The following FHOD3 variants were observed in gnomAD, a reference collection of about 807,000 sequenced individuals.
The protein encoded by FHOD3 is FH1/FH2 domain-containing protein 3.
Under a neutral mutation model 173.0 loss-of-function variants are expected in FHOD3, and 90 were observed. That is an observed-to-expected ratio of 0.52 (90% confidence interval 0.44 to 0.62). FHOD3 has a LOEUF of 0.62. Among genes scored for constraint, FHOD3 ranks in the 20% least tolerant of loss-of-function variants. FHOD3 has a pLI of 0.00. For synonymous variants in FHOD3, 828 were observed against 823.0 expected, an observed-to-expected ratio of 1.01 and a Z score of -0.10; for missense variants, 1,945 against 2,034.7, an observed-to-expected ratio of 0.96 and a Z score of 0.85.
At chr18:36,515,791 A>G (rs563374745) in intron 5 of FHOD3, among the ~76,000 whole-genome samples, 1 of 152,252 alleles carries the variant, frequency 6.6e-6, no homozygotes, top group East Asian at 1.9e-4. Flanking sequence ...GTGTCCCTTT[A>G]CTGGCGACCA....
intron 3 of FHOD3, among the ~76,000 whole-genome samples, chr18:36,463,710 G>A (rs1233388918): frequency 2.0e-5 from 3 of 152,040 alleles, no homozygotes; most frequent in Non-Finnish European, 4.4e-5. Context: ...TGCCCAGGCT[G>A]TTCTCGAACT....
chr18:36,579,741 C>G (rs1332573864), intron 6 of FHOD3, among the ~76,000 whole-genome samples: 1 of 152,174 alleles, frequency 6.6e-6, no homozygotes, highest in African/African-American at 2.4e-5. Flanking sequence ...CCCTCACAGT[C>G]AGTGCCTTGA....
At chr18:36,461,824 T>G (rs376453088) in intron 3 of FHOD3, among the ~76,000 whole-genome samples, 71 of 151,790 alleles carry the variant, frequency 4.7e-4, no homozygotes, top group African/African-American at 1.6e-3. Flanking sequence ...AGGAAGGGGG[T>G]GATGTAGTGG....
At chr18:36,483,223 AC>A (rs978505766) in intron 3 of FHOD3, among the ~76,000 whole-genome samples, 115 of 152,234 alleles carry the variant, frequency 7.6e-4, no homozygotes, top group African/African-American at 2.7e-3. Flanking sequence ...TCTGGAAGTG[AC>A]CCAGGTCTTA....
At chr18:36,530,643 G>A (rs2056743320) in intron 5 of FHOD3, among the ~76,000 whole-genome samples, 1 of 152,180 alleles carries the variant, frequency 6.6e-6, no homozygotes, top group Admixed American at 6.5e-5. Context: ...TAATATCCAG[G>A]TTTTTTGAGT....
intron 1 of FHOD3, among the ~76,000 whole-genome samples, chr18:36,316,324 CT>C (rs138388078): frequency 0.03 from 4,499 of 152,216 alleles, 219 homozygotes; most frequent in African/African-American, 0.1. Flanking sequence ...CAGGATGGTA[CT>C]TTGCTTCTGC....
intron 1 of FHOD3, among the ~76,000 whole-genome samples, chr18:36,319,457 C>T (rs958717695): frequency 6.6e-6 from 1 of 152,150 alleles, no homozygotes; most frequent in African/African-American, 2.4e-5. Context: ...TATATATGCA[C>T]CCAATATGGG....
intron 5 of FHOD3, among the ~76,000 whole-genome samples, chr18:36,523,384 T>G (rs547662536): frequency 6.6e-6 from 1 of 151,916 alleles, no homozygotes; most frequent in African/African-American, 2.4e-5. Context: ...AAGAACAGAG[T>G]TGGAAAATTA....
chr18:36,745,367 G>T (rs2042100915), intron 23 of FHOD3, among the ~76,000 whole-genome samples: 1 of 152,156 alleles, frequency 6.6e-6, no homozygotes. Flanking sequence ...ATGAAACCCT[G>T]CATACCTGAA....
At chr18:36,647,876 T>C (rs1373698539) in intron 10 of FHOD3, among the ~76,000 whole-genome samples, 2 of 152,190 alleles carry the variant, frequency 1.3e-5, no homozygotes, top group Admixed American at 1.3e-4. Context: ...CACTATTTGA[T>C]GTGGGGTGGG....
chr18:36,665,057 C>T (rs545869064), intron 14 of FHOD3, among the ~76,000 whole-genome samples: 1 of 152,252 alleles, frequency 6.6e-6, no homozygotes, highest in East Asian at 1.9e-4. Context: ...CATGCCACTG[C>T]ATTCCAGCCT....
At chr18:36,712,167 A>AG (rs1261530716) in intron 18 of FHOD3, among the ~76,000 whole-genome samples, 14 of 152,230 alleles carry the variant, frequency 9.2e-5, no homozygotes, top group African/African-American at 3.4e-4. Flanking sequence ...TAGATTAGAT[A>AG]GGAGCCAAAG....
chr18:36,660,130 G>A (rs540569451), intron 14 of FHOD3, among the ~76,000 whole-genome samples: 11 of 152,262 alleles, frequency 7.2e-5, no homozygotes, highest in African/African-American at 2.2e-4. Flanking sequence ...TTAGCCGAGT[G>A]TGGTGGTGCA....
chr18:36,765,205 G>A (rs2043089495), intron 27 of FHOD3, among the ~76,000 whole-genome samples: 1 of 152,178 alleles, frequency 6.6e-6, no homozygotes, highest in Non-Finnish European at 1.5e-5. Context: ...TTTAAACTGA[G>A]GAGACAAAGA....
rs139482332 is a variant in FHOD3 at position 36,643,968 on chromosome 18, G to A, written c.1197-5348G>A. On this transcript the variant is annotated intron_variant, in intron 10 of 28. Transcript: ENST00000590592. ...CAGCAACATTCATTTTCCTTTTGGT[G>A]TTTGGAAGCCCGAGAAACATGACCC... 1.1e-4 allele frequency among the ~76,000 whole-genome samples: 17 copies of A among 152,254 alleles called. No individual in the cohort carries two copies. In the East Asian group the frequency reaches 3.3e-3, roughly 29 times the overall value.
At chr18:36,351,921 G>A (rs1248008253) in intron 1 of FHOD3, among the ~76,000 whole-genome samples, 2 of 152,196 alleles carry the variant, frequency 1.3e-5, no homozygotes, top group Admixed American at 1.3e-4. Flanking sequence ...AAGAGCACAG[G>A]GCTTAGGCAG....
intron 3 of FHOD3, among the ~76,000 whole-genome samples, chr18:36,456,901 C>G (rs2052251152): frequency 6.6e-6 from 1 of 152,146 alleles, no homozygotes; most frequent in Non-Finnish European, 1.5e-5. Flanking sequence ...ACATTGATGT[C>G]TAAGTATTCA....
chr18:36,624,924 G>T (rs569975459), intron 9 of FHOD3, among the ~76,000 whole-genome samples: 1 of 152,342 alleles, frequency 6.6e-6, no homozygotes, highest in Non-Finnish European at 1.5e-5. Flanking sequence ...CCAGGCTGCT[G>T]TGATAGCCTG....
At chr18:36,540,172 T>C (rs1459733117) in intron 5 of FHOD3, among the ~76,000 whole-genome samples, 2 of 152,224 alleles carry the variant, frequency 1.3e-5, no homozygotes, top group African/African-American at 4.8e-5. Flanking sequence ...ATCTCAAGAA[T>C]GCCCAATTCA....
Sources: allele counts gnomAD v4.1 joint callset (sites outside exome capture counted in the v4.1 genomes callset), GRCh38; gene constraint gnomAD v4.1.1; transcripts MANE v1.5; gene names NCBI Gene and HGNC (gene_info 2026-07-23, HGNC 2026-07-21).